The following EFL1 variants were observed in gnomAD, a reference collection of about 807,000 sequenced individuals.
EFL1 encodes the protein elongation factor-like GTPase 1.
Under a neutral mutation model 126.7 loss-of-function variants are expected in EFL1, and 76 were observed. The ratio of observed to expected loss-of-function variants is 0.60; its 90% CI spans 0.50 to 0.73. The LOEUF (loss-of-function observed/expected upper bound fraction) is 0.73. Among genes scored for constraint, EFL1 ranks in the 30% least tolerant of loss-of-function variants. EFL1 has a pLI of 0.00. For missense variants in EFL1, 1,128 were observed against 1,343.2 expected (o/e 0.84, Z 2.50); for synonymous variants, 410 against 448.4 (o/e 0.91, Z 1.08).
At position 82,240,566 on chromosome 15, in the gene EFL1, CA is replaced by C; in HGVS notation, c.379-12del. On this transcript the variant is annotated splice_polypyrimidine_tract_variant and intron_variant, in intron 5 of 19. Transcript: ENST00000268206. ...CAGAACTGCCTGTGTCTGATAAAAACAGAAAGAAAAATGTAAAACTCATGAT... is the reference window on the plus strand; with the variant it reads ...CAGAACTGCCTGTGTCTGATAAAAACGAAAGAAAAATGTAAAACTCATGAT... The C allele has an allele frequency of 6.2e-7, 1 of 1,604,670 alleles. No homozygotes were observed. The highest frequency in any genetic ancestry group is 1.7e-5 in the Admixed American group (1 of 57,250).
At chr15:82,209,109 A>C (rs2074555980) in intron 15 of EFL1, among the ~76,000 whole-genome samples, 1 of 152,222 alleles carries the variant, frequency 6.6e-6, no homozygotes. Flanking sequence ...ATTATCTTCA[A>C]ATGGAAATGC....
chr15:82,213,228 T>C (rs569291213), intron 15 of EFL1, among the ~76,000 whole-genome samples: 5 of 152,352 alleles, frequency 3.3e-5, no homozygotes, highest in South Asian at 2.1e-4. Context: ...ATAAGTAAAT[T>C]TGGTAAACAA....
intron 15 of EFL1, among the ~76,000 whole-genome samples, chr15:82,187,913 C>T (rs2074319414): frequency 6.6e-6 from 1 of 151,972 alleles, no homozygotes; most frequent in South Asian, 2.1e-4. Flanking sequence ...TCCTATATTT[C>T]ACGGTAATAA....
At chr15:82,175,495 T>A (rs994850519) in intron 15 of EFL1, among the ~76,000 whole-genome samples, 13 of 152,202 alleles carry the variant, frequency 8.5e-5, no homozygotes, top group African/African-American at 3.1e-4. Context: ...TAACCAGAAC[T>A]ACAGGTTGAA....
At chr15:82,253,072 T>C (rs924720693) in intron 3 of EFL1, among the ~76,000 whole-genome samples, 2 of 151,972 alleles carry the variant, frequency 1.3e-5, no homozygotes, top group African/African-American at 4.8e-5. Flanking sequence ...AGAGTCTTAT[T>C]CTGTTGCCCA....
rs202018584 is a variant in EFL1, at chr15:82,157,693, C to T, written c.2030+20G>A. ...TGATTGAGAGCTATCATTTCTCCAT[C>T]GCTATCATTTTCACCTAACCTTTCT... On this transcript the variant is annotated intron_variant, in intron 17 of 19. Coordinates refer to ENST00000268206, the MANE Select transcript of EFL1 (RefSeq NM_024580.6). 2.2e-4 allele frequency: 360 copies of T among 1,600,956 alleles called. 1 individual carries two copies. The South Asian group carries it at 3.8e-3, about 17-fold the overall frequency.
intron 15 of EFL1, among the ~76,000 whole-genome samples, chr15:82,205,160 A>C (rs3973877): frequency 6.6e-6 from 1 of 152,338 alleles, no homozygotes; most frequent in Non-Finnish European, 1.5e-5. Flanking sequence ...GGGAAGCCCC[A>C]AATCATGAAT....
At chr15:82,204,940 T>C (rs889691109) in intron 15 of EFL1, among the ~76,000 whole-genome samples, 2 of 152,184 alleles carry the variant, frequency 1.3e-5, no homozygotes, top group African/African-American at 2.4e-5. Flanking sequence ...ATACAATTGT[T>C]CACTTTTTCA....
intron 16 of EFL1, among the ~76,000 whole-genome samples, chr15:82,161,326 G>T (rs11852358): frequency 6.6e-6 from 1 of 152,152 alleles, no homozygotes; most frequent in East Asian, 1.9e-4. Flanking sequence ...TGTAATCTAC[G>T]AATAAGGGGG....
chr15:82,153,145 G>A (rs1225501115), intron 17 of EFL1, among the ~76,000 whole-genome samples: 1 of 152,172 alleles, frequency 6.6e-6, no homozygotes, highest in Non-Finnish European at 1.5e-5. Context: ...TTAAACAGCT[G>A]CATGTGGGTA....
At chr15:82,251,957 G>A (rs1290374711) in intron 4 of EFL1, among the ~76,000 whole-genome samples, 1 of 152,144 alleles carries the variant, frequency 6.6e-6, no homozygotes, top group Non-Finnish European at 1.5e-5. Flanking sequence ...GGTTTGGTAT[G>A]TATCCTTCCA....
At chr15:82,225,357 A>T in intron 11 of EFL1, 93 bp from the exon 12 acceptor site, 1 of 939,078 alleles carries the variant, frequency 1.1e-6, no homozygotes, top group Non-Finnish European at 1.5e-6. Context: ...TGTTTAGAAC[A>T]TGGATGGCAT....
chr15:82,208,338 C>T (rs566104844), intron 15 of EFL1, among the ~76,000 whole-genome samples: 62 of 152,286 alleles, frequency 4.1e-4, no homozygotes, highest in Middle Eastern at 3.4e-3. Context: ...CTATACAATA[C>T]GGCAACCGCT....
intron 5 of EFL1, among the ~76,000 whole-genome samples, chr15:82,240,783 G>C (rs1596004536): frequency 6.6e-6 from 1 of 152,284 alleles, no homozygotes; most frequent in East Asian, 1.9e-4. Context: ...GGGCATGGTG[G>C]GTCACACCTG....
intron 15 of EFL1, among the ~76,000 whole-genome samples, chr15:82,213,525 T>C (rs1319650306): frequency 6.6e-6 from 1 of 152,178 alleles, no homozygotes; most frequent in Non-Finnish European, 1.5e-5. Context: ...CACAGTCTCA[T>C]CCTCTACTAG....
chr15:82,184,163 T>C (rs1435108146), intron 15 of EFL1, among the ~76,000 whole-genome samples: 6 of 152,222 alleles, frequency 3.9e-5, no homozygotes, highest in African/African-American at 1.2e-4. Context: ...AAAGTCATTA[T>C]AAATGTCTAT....
At chr15:82,253,424 A>C (rs2141340297) in intron 3 of EFL1, among the ~76,000 whole-genome samples, 1 of 144,564 alleles carries the variant, frequency 6.9e-6, no homozygotes, top group Admixed American at 6.8e-5. Context: ...AAATTGAAAA[A>C]CATAACCACT....
intron 15 of EFL1, among the ~76,000 whole-genome samples, chr15:82,191,488 C>T (rs114013010): frequency 1.3e-3 from 195 of 152,130 alleles, no homozygotes; most frequent in African/African-American, 4.4e-3. Flanking sequence ...GAAAAGCATA[C>T]GGTACTATGA....
intron 15 of EFL1, among the ~76,000 whole-genome samples, chr15:82,211,595 G>GAC (rs10543301): frequency 0.02 from 2,099 of 105,788 alleles, 90 homozygotes; most frequent in East Asian, 0.036. Flanking sequence ...ACACATACTA[G>GAC]ACACACACAC....
Sources: allele counts gnomAD v4.1 joint callset (sites outside exome capture counted in the v4.1 genomes callset), GRCh38; gene constraint gnomAD v4.1.1; transcripts MANE v1.5; gene names NCBI Gene and HGNC (gene_info 2026-07-23, HGNC 2026-07-21).